Variants in ZC3H12B observed in about 807,000 individuals in gnomAD.
The protein encoded by ZC3H12B is probable ribonuclease ZC3H12B.
Under a neutral mutation model 43.9 loss-of-function variants are expected in ZC3H12B, and 7 were observed. That is an observed-to-expected ratio of 0.16 (90% CI 0.09 to 0.30). ZC3H12B has a LOEUF of 0.30. ZC3H12B is among the 10% of genes least tolerant of loss of function. The pLI, the probability that ZC3H12B is intolerant of heterozygous loss-of-function variation, is 1.00. For synonymous variants in ZC3H12B, 222 were observed against 241.7 expected, an observed-to-expected ratio of 0.92 and a Z score of 0.76; for missense variants, 475 against 670.2, an observed-to-expected ratio of 0.71 and a Z score of 3.22.
intron 3 of ZC3H12B, among the ~76,000 whole-genome samples, chrX:65,459,934 G>A (rs1163765713): frequency 1.8e-5 from 2 of 111,753 alleles, no homozygotes; most frequent in African/African-American, 3.3e-5. Context: ...GTTTCCAGAT[G>A]ACATGATTGT....
At chrX:65,494,597 A>T (rs2148232509) in intron 1 of ZC3H12B, among the ~76,000 whole-genome samples, 1 of 110,354 alleles carries the variant, frequency 9.1e-6, no homozygotes, top group East Asian at 2.8e-4. Context: ...CCTTGGCAAC[A>T]TGGTGAAACC....
the ZC3H12B span, among the ~76,000 whole-genome samples, chrX:65,123,664 A>G: frequency 1.8e-5 from 2 of 108,496 alleles, no homozygotes; most frequent in African/African-American, 3.3e-5. Flanking sequence ...CAGCAGTGTA[A>G]TATAGTTTTC....
At chrX:65,294,375 C>T in the ZC3H12B span, among the ~76,000 whole-genome samples, 1 of 111,643 alleles carries the variant, frequency 9.0e-6, no homozygotes, top group South Asian at 3.7e-4. Flanking sequence ...TGAAACAAAT[C>T]CTTGAAATAC....
intron 2 of ZC3H12B, among the ~76,000 whole-genome samples, chrX:65,393,240 CAATA>C (rs2066651307): frequency 9.0e-6 from 1 of 111,060 alleles, no homozygotes; most frequent in Non-Finnish European, 1.9e-5. Flanking sequence ...CAAGAATGAT[CAATA>C]AATACTAAAA....
the ZC3H12B span, among the ~76,000 whole-genome samples, chrX:65,140,367 C>CTTTT: frequency 9.0e-6 from 1 of 111,113 alleles, no homozygotes; most frequent in East Asian, 2.8e-4. Flanking sequence ...TGGTTTTTGT[C>CTTTT]TTTTTGTCTG....
chrX:65,194,145 A>C, the ZC3H12B span, among the ~76,000 whole-genome samples: 1 of 106,900 alleles, frequency 9.4e-6, no homozygotes, highest in African/African-American at 3.4e-5. Context: ...ATTTGACATG[A>C]GATTTGGGCA....
chrX:65,174,466 A>T, the ZC3H12B span, among the ~76,000 whole-genome samples: 1 of 111,925 alleles, frequency 8.9e-6, no homozygotes, highest in Non-Finnish European at 1.9e-5. Flanking sequence ...AGTCCACTGA[A>T]GCTGCGCCCA....
intron 3 of ZC3H12B, among the ~76,000 whole-genome samples, chrX:65,418,593 T>A (rs750568517): frequency 8.1e-5 from 9 of 111,538 alleles, no homozygotes; most frequent in African/African-American, 2.9e-4. Context: ...AAAGCAACAA[T>A]CAGAATAGCC....
chrX:65,305,641 T>C, the ZC3H12B span, among the ~76,000 whole-genome samples: 1 of 112,253 alleles, frequency 8.9e-6, no homozygotes, highest in Admixed American at 9.5e-5. Flanking sequence ...CTTTGCAGTT[T>C]GTATCTATAA....
chrX:65,073,547 G>T, the ZC3H12B span, among the ~76,000 whole-genome samples: 1 of 112,131 alleles, frequency 8.9e-6, no homozygotes, highest in African/African-American at 3.2e-5. Context: ...TAGAGTTCAG[G>T]TATGACAGTT....
At chrX:65,450,260 T>TGAGCTGAA (rs1286352790) in intron 3 of ZC3H12B, among the ~76,000 whole-genome samples, 1 of 98,729 alleles carries the variant, frequency 1.0e-5, no homozygotes, top group East Asian at 3.1e-4. Context: ...GCTGAAATCA[T>TGAGCTGAA]GTCACTGCCT....
chrX:65,192,786 A>AGATAGATC, the ZC3H12B span, among the ~76,000 whole-genome samples: 156 of 110,692 alleles, frequency 1.4e-3, no homozygotes, highest in African/African-American at 5.0e-3. Context: ...ATAGATAGAT[A>AGATAGATC]GATAGATAGA....
the ZC3H12B span, among the ~76,000 whole-genome samples, chrX:65,346,877 T>A: frequency 8.9e-6 from 1 of 112,270 alleles, no homozygotes; most frequent in African/African-American, 3.2e-5. Context: ...GGGTGCAGCT[T>A]CAGCAGACTT....
chrX:65,161,480 C>T, the ZC3H12B span, among the ~76,000 whole-genome samples: 36 of 111,828 alleles, frequency 3.2e-4, no homozygotes, highest in Non-Finnish European at 6.2e-4. Context: ...TGATAGTTAG[C>T]TCTTCTTGTT....
At chrX:65,465,556 C>G (rs978891607) in intron 3 of ZC3H12B, among the ~76,000 whole-genome samples, 3 of 110,853 alleles carry the variant, frequency 2.7e-5, no homozygotes, top group African/African-American at 9.8e-5. Context: ...ATTCATTCTT[C>G]CAATTTGTGT....
the ZC3H12B span, among the ~76,000 whole-genome samples, chrX:65,137,744 A>G: frequency 3.5e-5 from 4 of 112,927 alleles, 1 homozygote. Context: ...TAAGAAAAAA[A>G]TATATGAAAT....
intron 3 of ZC3H12B, among the ~76,000 whole-genome samples, chrX:65,417,019 C>A (rs968463948): frequency 1.7e-4 from 19 of 111,569 alleles, no homozygotes; most frequent in African/African-American, 5.9e-4. Flanking sequence ...ATTTTTTAAC[C>A]CATTCCCCAG....
At position 65,388,533 on chromosome X, in the gene ZC3H12B, G is replaced by A. The variant is rs377444719; in HGVS notation, n.296-10060G>A. Among the ~76,000 whole-genome samples the A allele has an allele frequency of 4.0e-3, 445 of 110,903 alleles. 3 individuals carry two copies. The highest frequency in any genetic ancestry group is 7.1e-3 in the Non-Finnish European group (374 of 52,868). On this transcript the variant is annotated intron_variant and non_coding_transcript_variant, in intron 2 of 5. Transcript: ENST00000617377. ...TTCTCTGCATTGGTTATTCTAGTTC[G>A]CCATTTGTCTAATTTTTTTTTCAAA...
chrX:65,317,505 TGTA>T, the ZC3H12B span, among the ~76,000 whole-genome samples: 1 of 109,357 alleles, frequency 9.1e-6, no homozygotes, highest in Non-Finnish European at 1.9e-5. Context: ...GAATCCAATT[TGTA>T]GTATTTTATC....
Sources: gnomAD v4.1 joint callset for allele counts (sites outside exome capture counted in the v4.1 genomes callset) on GRCh38, gnomAD v4.1.1 for gene constraint, MANE v1.5 for transcripts, NCBI Gene and HGNC (gene_info 2026-07-23, HGNC 2026-07-21) for gene names.